SLC6A11: variants seen among roughly 807,000 people sequenced by gnomAD.
The protein encoded by SLC6A11 is solute carrier family 6 member 11.
In SLC6A11, 25 loss-of-function variants were observed where a neutral mutation model predicts 74.8. That is an observed-to-expected ratio of 0.33 (90% CI 0.24 to 0.47). The LOEUF is 0.47. SLC6A11 is among the 20% of genes least tolerant of loss of function. SLC6A11 has a pLI of 1.00. For missense variants in SLC6A11, 574 were observed against 837.0 expected (o/e 0.69, Z 3.88); for synonymous variants, 330 against 330.2 (o/e 1.00, Z 0.01).
At position 10,921,508 on chromosome 3, in the gene SLC6A11, A is replaced by G. The variant is rs912789548; in HGVS notation, c.1120+3055A>G. 1.1e-4 allele frequency among the ~76,000 whole-genome samples: 16 copies of G among 152,352 alleles called. No homozygotes were observed. The East Asian group carries it at 2.7e-3, about 26-fold the overall frequency. On this transcript the variant is annotated intron_variant, in intron 8 of 13. Transcript: ENST00000254488. ...AAGCTAGTAGATGAAACAAAATTGAAAATTAAAAATATTTATTAACCCAAA... is the reference window on the plus strand; with the variant it reads ...AAGCTAGTAGATGAAACAAAATTGAGAATTAAAAATATTTATTAACCCAAA...
intron 1 of SLC6A11, among the ~76,000 whole-genome samples, chr3:10,818,085 TA>T (rs1260801551): frequency 0.038 from 5,273 of 139,270 alleles, 322 homozygotes; most frequent in African/African-American, 0.13. Flanking sequence ...TTTTTTTTTT[TA>T]AAAAAAAAGG....
At chr3:10,858,096 A>G (rs553243354) in intron 5 of SLC6A11, among the ~76,000 whole-genome samples, 1 of 152,356 alleles carries the variant, frequency 6.6e-6, no homozygotes, top group Admixed American at 6.5e-5. Flanking sequence ...CACGAATGCA[A>G]TAGCTGGAAT....
chr3:10,836,966 G>T (rs569200204), intron 4 of SLC6A11, among the ~76,000 whole-genome samples: 32 of 152,340 alleles, frequency 2.1e-4, no homozygotes, highest in African/African-American at 7.5e-4. Flanking sequence ...AGTATGCCTT[G>T]CGAGACTGAA....
chr3:10,933,926 G>T, intron 11 of SLC6A11, 140 bp from the exon 12 acceptor site: 1 of 591,402 alleles, frequency 1.7e-6, no homozygotes, highest in Non-Finnish European at 3.1e-6. Flanking sequence ...CATCTCGGTC[G>T]TTGTTTAAGC....
At chr3:10,838,054 C>G (rs1266135410) in intron 4 of SLC6A11, among the ~76,000 whole-genome samples, 1 of 152,212 alleles carries the variant, frequency 6.6e-6, no homozygotes, top group Non-Finnish European at 1.5e-5. Context: ...TCTCCAGGGC[C>G]CTGGCAGCAC....
chr3:10,845,356 G>T (rs1694490151), intron 5 of SLC6A11, among the ~76,000 whole-genome samples: 1 of 152,128 alleles, frequency 6.6e-6, no homozygotes, highest in South Asian at 2.1e-4. Context: ...CAATGCCAAT[G>T]GTTTCCTCAT....
chr3:10,865,382 G>C (rs777522979), intron 5 of SLC6A11, among the ~76,000 whole-genome samples: 9 of 152,176 alleles, frequency 5.9e-5, no homozygotes, highest in Non-Finnish European at 1.3e-4. Flanking sequence ...AACCTGTGGT[G>C]GCCAGGCACA....
chr3:10,935,006 C>T lies in SLC6A11; in HGVS notation c.1576-23C>T, dbSNP rs753430655. ...CAGGGCTGAGGGCCCATCCCCCAGG[C>T]ACCTGCCCCCATCTCTCTGCAGGGG... On this transcript the variant is annotated intron_variant, in intron 12 of 13. Transcript: ENST00000254488. The T allele has an allele frequency of 5.6e-6, 9 of 1,605,294 alleles. No homozygotes were observed. The Admixed American group carries it at 1.2e-4, about 21-fold the overall frequency.
intron 9 of SLC6A11, among the ~76,000 whole-genome samples, chr3:10,928,467 G>A (rs1436448627): frequency 6.6e-6 from 1 of 152,164 alleles, no homozygotes; most frequent in Non-Finnish European, 1.5e-5. Flanking sequence ...AGGTGAGGGG[G>A]TGGTCGGTAT....
At chr3:10,847,057 C>T (rs1694513863) in intron 5 of SLC6A11, among the ~76,000 whole-genome samples, 1 of 152,186 alleles carries the variant, frequency 6.6e-6, no homozygotes, top group Non-Finnish European at 1.5e-5. Context: ...TTCCTTTGTG[C>T]TTCACATGCC....
chr3:10,871,298 A>G (rs1236064833), intron 5 of SLC6A11, among the ~76,000 whole-genome samples: 4 of 152,156 alleles, frequency 2.6e-5, no homozygotes, highest in Non-Finnish European at 5.9e-5. Context: ...ACAAATTTTT[A>G]TGATTTTTGA....
At chr3:10,834,318 C>T (rs541653010) in intron 4 of SLC6A11, among the ~76,000 whole-genome samples, 1 of 151,866 alleles carries the variant, frequency 6.6e-6, no homozygotes, top group East Asian at 1.9e-4. Context: ...GCCCTGTGGA[C>T]TCAGGCTCTG....
intron 6 of SLC6A11, among the ~76,000 whole-genome samples, chr3:10,886,414 C>T (rs1304695442): frequency 6.6e-6 from 1 of 152,204 alleles, no homozygotes; most frequent in African/African-American, 2.4e-5. Context: ...CTGACTTCTG[C>T]CTGGATCACT....
rs945065600 is a variant in SLC6A11 at position 10,936,351 on chromosome 3, C to T, written c.1746+1152C>T. Among the ~76,000 whole-genome samples the T allele has an allele frequency of 3.3e-5, 5 of 152,328 alleles. No homozygotes were observed. In the East Asian group the frequency reaches 9.6e-4, roughly 29 times the overall value. ...GGTCCTGTCCCCTGAATTTCGCTGCCTCACCTTCCTCTGCTGAACCAGTTG... is the reference window on the plus strand; with the variant it reads ...GGTCCTGTCCCCTGAATTTCGCTGCTTCACCTTCCTCTGCTGAACCAGTTG... On this transcript the variant is annotated intron_variant, in intron 13 of 13. Transcript: ENST00000254488.
At chr3:10,844,147 G>T (rs1347202890) in intron 4 of SLC6A11, 67 bp from the exon 5 acceptor site, 2 of 1,595,232 alleles carry the variant, frequency 1.3e-6, no homozygotes, top group African/African-American at 2.7e-5. Flanking sequence ...CTGCTCCTCT[G>T]CAGTACTAGC....
intron 5 of SLC6A11, among the ~76,000 whole-genome samples, chr3:10,871,739 A>G (rs557521989): frequency 6.6e-6 from 1 of 152,044 alleles, no homozygotes; most frequent in South Asian, 2.1e-4. Context: ...CTGCTCTTTT[A>G]TATTTGATCT....
At chr3:10,896,914 C>T (rs1051895047) in intron 6 of SLC6A11, among the ~76,000 whole-genome samples, 2 of 152,244 alleles carry the variant, frequency 1.3e-5, no homozygotes, top group Admixed American at 6.5e-5. Flanking sequence ...AACACATACC[C>T]GAGACTGGAC....
At chr3:10,929,058 TG>T in intron 9 of SLC6A11, 143 bp from the exon 10 acceptor site, 2 of 809,662 alleles carry the variant, frequency 2.5e-6, no homozygotes, top group Non-Finnish European at 4.0e-6. Context: ...CTGGGATGAC[TG>T]TTATCCTCAG....
chr3:10,909,747 A>G lies in SLC6A11; in HGVS notation c.892-2343A>G, dbSNP rs183875872. On this transcript the variant is annotated intron_variant, in intron 6 of 13. Transcript: ENST00000254488. ...CAGCTGCACTGCTTTTTGCTTCGCC[A>G]TGTGGCTCACTGGCCTTACTAAGCA... 4.6e-4 allele frequency among the ~76,000 whole-genome samples: 70 copies of G among 152,354 alleles called. 1 individual carries two copies. Among genetic ancestry groups the G allele is most frequent in the Non-Finnish European group, 7.3e-5 (5 of 68,036 alleles).
Sources: allele counts gnomAD v4.1 joint callset (sites outside exome capture counted in the v4.1 genomes callset), GRCh38; gene constraint gnomAD v4.1.1; transcripts MANE v1.5; gene names NCBI Gene and HGNC (gene_info 2026-07-23, HGNC 2026-07-21).